C21orf58: variants seen among roughly 807,000 people sequenced by gnomAD.
The protein encoded by C21orf58 is uncharacterized protein C21orf58.
C21orf58 carries 34 observed loss-of-function variants against 35.8 expected under a neutral mutation model. The observed-to-expected ratio is 0.95, with a 90% confidence interval of 0.72 to 1.26. C21orf58 has a LOEUF of 1.26. Among genes scored for constraint, C21orf58 ranks in the 50% most tolerant of loss-of-function variants. C21orf58 has a pLI of 0.00. For missense variants in C21orf58, 440 were observed against 414.3 expected (o/e 1.06, Z -0.54); for synonymous variants, 191 against 175.8 (o/e 1.09, Z -0.68).
In C21orf58 at chr21:46,302,071, A is replaced by ATGGTGGTGGTGG; in HGVS notation, c.885_896dup (p.His296_His299dup). On this transcript the variant is annotated inframe_insertion, in exon 8 of 8. Coordinates refer to ENST00000291691, the MANE Select transcript of C21orf58 (RefSeq NM_058180.5). ...TGGCAGCCCCAGGTGGCCACACAGC[A>ATGGTGGTGGTGG]TGGTGGTGGTGGTGGTGGTGGTGCA... The ATGGTGGTGGTGG allele has an allele frequency of 6.6e-7, 1 of 1,506,792 alleles. No individual in the cohort carries two copies. The highest frequency in any genetic ancestry group is 8.9e-7 in the Non-Finnish European group (1 of 1,121,486). 93.3% of individuals were successfully genotyped at this position (1,506,792 alleles called of 1,614,324 possible).
chr21:46,320,135 C>T (rs534869760), intron 1 of C21orf58, among the ~76,000 whole-genome samples: 14 of 151,664 alleles, frequency 9.2e-5, no homozygotes, highest in South Asian at 2.1e-4. Flanking sequence ...GAGTTTTGCT[C>T]GTTGCCCAGG....
At position 46,317,200 on chromosome 21, in the gene C21orf58, G is replaced by T; in HGVS notation, c.370+8C>A. On this transcript the variant is annotated splice_region_variant and intron_variant, in intron 3 of 7. Coordinates refer to ENST00000291691, the MANE Select transcript of C21orf58 (RefSeq NM_058180.5). ...TGTGCTGGTTCCAAGCAGCCCAGGGGCTCTCACCTGGCTCGAGGTGGAGGC... is the reference window on the plus strand; with the variant it reads ...TGTGCTGGTTCCAAGCAGCCCAGGGTCTCTCACCTGGCTCGAGGTGGAGGC... 1 of 1,609,244 alleles carries T rather than the reference G, an allele frequency of 6.2e-7. No individual in the cohort carries two copies. Among genetic ancestry groups the T allele is most frequent in the Admixed American group, 1.7e-5 (1 of 59,756 alleles).
intron 1 of C21orf58, 104 bp from the exon 2 acceptor site, chr21:46,318,324 A>G (rs2083052342): frequency 6.6e-7 from 1 of 1,517,480 alleles, no homozygotes; most frequent in Non-Finnish European, 8.8e-7. Flanking sequence ...CCAGGCTGCC[A>G]GACACAGGGA....
At chr21:46,307,902 C>A (rs2082493998) in intron 6 of C21orf58, among the ~76,000 whole-genome samples, 1 of 152,160 alleles carries the variant, frequency 6.6e-6, no homozygotes, top group Admixed American at 6.5e-5. Flanking sequence ...CTGACCATAC[C>A]ACATGTTGCC....
At chr21:46,312,889 T>C (rs2082802865) in intron 5 of C21orf58, 4 of 542,828 alleles carry the variant, frequency 7.4e-6, no homozygotes, top group African/African-American at 6.2e-5. Context: ...CATCATATAC[T>C]GTAGTACATA....
chr21:46,314,917 G>A (rs562105768), intron 4 of C21orf58, 37 bp from the exon 5 acceptor site: 45 of 1,550,376 alleles, frequency 2.9e-5, no homozygotes, highest in South Asian at 3.6e-5. Flanking sequence ...ACACGGGGAC[G>A]GGGAGCCCCA....
In C21orf58 at chr21:46,311,092, G is replaced by A. The variant is rs373365230; in HGVS notation, c.721+364C>T. ...TCACCCTGTGGGCCAGGCTGGTCTC[G>A]AACTCTTGACCTCAGGTAATCCACC... On this transcript the variant is annotated intron_variant, in intron 6 of 7. Transcript: ENST00000291691. 9.1e-4 allele frequency among the ~76,000 whole-genome samples: 139 copies of A among 151,966 alleles called. 2 individuals carry two copies. In the South Asian group the frequency reaches 0.028, roughly 31 times the overall value.
chr21:46,303,222 C>G (rs2082206947), intron 6 of C21orf58, among the ~76,000 whole-genome samples: 2 of 151,956 alleles, frequency 1.3e-5, no homozygotes, highest in African/African-American at 4.8e-5. Flanking sequence ...GCCTGTAGTC[C>G]CAGCTACTCA....
chr21:46,322,918 A>G lies in C21orf58; in HGVS notation c.-180T>C. 6.3e-6 allele frequency: 3 copies of G among 473,756 alleles called. No homozygotes were observed. In the East Asian group the frequency reaches 1.0e-4, roughly 16 times the overall value. 29.3% of individuals were successfully genotyped at this position (473,756 alleles called of 1,614,324 possible). On this transcript the variant is annotated 5_prime_UTR_variant, in exon 1 of 8. Transcript: ENST00000291691. ...TCGGGAAGGGCATCGTTACTGCTGC[A>G]AACAAGCACACGGCCCTCCACGACG...
chr21:46,312,916 A>G, intron 5 of C21orf58: 1 of 841,896 alleles, frequency 1.2e-6, no homozygotes, highest in Non-Finnish European at 1.4e-6. Flanking sequence ...ACACGTCATG[A>G]AAATGAACTT....
In C21orf58 at chr21:46,318,211, G is replaced by C. The variant is rs778085082; in HGVS notation, c.110C>G (p.Pro37Arg). The C allele has an allele frequency of 3.7e-6, 6 of 1,612,294 alleles. No individual in the cohort carries two copies. Among genetic ancestry groups the C allele is most frequent in the Non-Finnish European group, 5.1e-6 (6 of 1,179,970 alleles). ...GCCTGCAGGGCGGGCCTTACCTCCTGGAGACCAGCCTGAGGGAAGAGAAGA... is the reference window on the plus strand; with the variant it reads ...GCCTGCAGGGCGGGCCTTACCTCCTCGAGACCAGCCTGAGGGAAGAGAAGA... ...SGHSLLCGWS[P>R]GGKARPAGNT... Residue 37 changes from proline (P) to arginine (R), a missense_variant, in exon 2 of 8, where the codon CCA (proline) becomes CGA (arginine). Coordinates refer to ENST00000291691, the MANE Select transcript of C21orf58 (RefSeq NM_058180.5).
chr21:46,322,423 C>A (rs2083200393), intron 1 of C21orf58: 5 of 985,058 alleles, frequency 5.1e-6, no homozygotes, highest in Non-Finnish European at 6.0e-6. Context: ...CCCTCAGTCC[C>A]ACAGTTGTAA....
intron 1 of C21orf58, among the ~76,000 whole-genome samples, chr21:46,319,827 G>A (rs1432175405): frequency 1.3e-5 from 2 of 152,016 alleles, no homozygotes; most frequent in Non-Finnish European, 2.9e-5. Flanking sequence ...AAATCGGAAG[G>A]CAGAGTTTGC....
intron 5 of C21orf58, among the ~76,000 whole-genome samples, chr21:46,312,038 C>CCCAACCAA (rs962110261): frequency 1.6e-5 from 2 of 128,064 alleles, no homozygotes; most frequent in Non-Finnish European, 3.3e-5. Flanking sequence ...CATCCACCTA[C>CCCAACCAA]CCAACCAACC....
chr21:46,311,690 TCCAACCAACCAACCAACCAA>T, intron 5 of C21orf58, 123 bp from the exon 6 acceptor site: 1 of 475,580 alleles, frequency 2.1e-6, no homozygotes, highest in Non-Finnish European at 3.7e-6. Context: ...CACCCATCCA[TCCAACCAACCAACCAACCAA>T]CCAACCATCC....
rs911547837 is a variant in C21orf58, at chr21:46,301,171, C to T, written c.*828G>A. On this transcript the variant is annotated 3_prime_UTR_variant, in exon 8 of 8. Coordinates refer to ENST00000291691, the MANE Select transcript of C21orf58 (RefSeq NM_058180.5). ...TTTATTTTATTTTTGAGACAGGGGC[C>T]TGCTCTGTGGTCCAGGCTATAGTGC... 5.8e-5 allele frequency: 45 copies of T among 772,936 alleles called. No individual in the cohort carries two copies. The highest frequency in any genetic ancestry group is 6.8e-5 in the Non-Finnish European group (43 of 633,128). The allele number at this position is 772,936 out of a possible 1,614,324, so 47.9% of individuals were successfully genotyped here. A position where few individuals can be genotyped will look rare whatever the true frequency, so the allele number is the denominator to read the frequency against.
At chr21:46,301,118 G>A (rs560832868), downstream of C21orf58, 10 of 985,764 alleles carry the variant, frequency 1.0e-5, no homozygotes, top group East Asian at 3.3e-4. Context: ...AAGGGATCAC[G>A]TCATACACAG....
chr21:46,320,055 T>C (rs776232093), intron 1 of C21orf58, among the ~76,000 whole-genome samples: 4 of 152,122 alleles, frequency 2.6e-5, no homozygotes, highest in Non-Finnish European at 4.4e-5. Flanking sequence ...AGCAACTGTA[T>C]AGAGCACCCT....
chr21:46,301,084 CCTT>C, downstream of C21orf58: 2 of 1,004,304 alleles, frequency 2.0e-6, no homozygotes, highest in Non-Finnish European at 1.2e-6. Flanking sequence ...TAGCACTCTC[CCTT>C]TTTTTTTTTT....
Sources: allele counts gnomAD v4.1 joint callset (sites outside exome capture counted in the v4.1 genomes callset), GRCh38; gene constraint gnomAD v4.1.1; transcripts MANE v1.5; gene names NCBI Gene and HGNC (gene_info 2026-07-23, HGNC 2026-07-21).